The following LONRF3 variants were observed in gnomAD, a reference collection of about 807,000 sequenced individuals.
LONRF3 encodes LON peptidase N-terminal domain and RING finger protein 3.
A neutral mutation model predicts 51.7 loss-of-function variants in LONRF3; 19 were observed. The ratio of observed to expected loss-of-function variants is 0.37; its 90% CI spans 0.26 to 0.54. LONRF3 has a LOEUF of 0.54. LONRF3 is among the 20% of genes least tolerant of loss of function. The pLI is 0.86. For synonymous variants in LONRF3, 265 were observed against 257.8 expected (o/e 1.03, Z -0.27); for missense variants, 521 against 623.9 (o/e 0.84, Z 1.76).
chrX:118,983,475 C>T (rs1569475565), intron 3 of LONRF3, among the ~76,000 whole-genome samples: 1 of 112,518 alleles, frequency 8.9e-6, no homozygotes, highest in Non-Finnish European at 1.9e-5. Context: ...CACTGCCTCA[C>T]AAATGCTAGT....
rs1393997873 is a variant in LONRF3 at position 118,975,058 on chromosome X, T to G, written c.278T>G (p.Leu93Arg). 1 of 1,173,003 alleles carries G rather than the reference T, an allele frequency of 8.5e-7. No homozygotes were observed. The highest frequency in any genetic ancestry group is 1.8e-5 in the African/African-American group (1 of 56,430). Residue 93 changes from leucine to arginine, a missense_variant, in exon 1 of 11, where the codon CTC (leucine) becomes CGC (arginine). Transcript: ENST00000371628. ...GAAGCCCTCGAGGTGTATAGACAGC[T>G]CTCCGAGCGGCAGCAGCTGGTGGCT... ...IREALEVYRQ[L>R]SERQQLVAEQ... is the part of the protein sequence containing the mutation.
intron 3 of LONRF3, 147 bp from the exon 4 acceptor site, chrX:118,989,261 A>G: frequency 1.6e-6 from 1 of 626,701 alleles, no homozygotes; most frequent in Non-Finnish European, 2.5e-6. Context: ...ATGCCTTATG[A>G]CGGCCCCCAA....
At chrX:118,990,340 TA>T in intron 4 of LONRF3, 129 bp from the exon 5 acceptor site, 1 of 519,669 alleles carries the variant, frequency 1.9e-6, no homozygotes, top group Non-Finnish European at 3.4e-6. Context: ...AGGTGTCCAC[TA>T]AATCAACTCT....
intron 5 of LONRF3, among the ~76,000 whole-genome samples, chrX:119,000,659 C>T (rs1165333729): frequency 1.8e-5 from 2 of 111,605 alleles, no homozygotes; most frequent in Non-Finnish European, 3.8e-5. Context: ...GATATTTGAA[C>T]CAGTTATCTA....
At chrX:118,999,566 C>T (rs901259921) in intron 5 of LONRF3, among the ~76,000 whole-genome samples, 1 of 111,952 alleles carries the variant, frequency 8.9e-6, no homozygotes, top group East Asian at 2.8e-4. Context: ...AACATACAGA[C>T]TCATCCTGTT....
In LONRF3 at chrX:118,997,647, G is replaced by A. The variant is rs759716193; in HGVS notation, c.1415+7087G>A. On this transcript the variant is annotated intron_variant, in intron 5 of 10. Coordinates refer to ENST00000371628, the MANE Select transcript of LONRF3 (RefSeq NM_001031855.3). ...CAGCTGGGACCTAACTAAACTAAAGGGCTTTTGCATGGCAAAAGGAACAGT... is the reference window on the plus strand; with the variant it reads ...CAGCTGGGACCTAACTAAACTAAAGAGCTTTTGCATGGCAAAAGGAACAGT... Among the ~76,000 whole-genome samples the A allele has an allele frequency of 5.4e-5, 6 of 111,856 alleles. No individual in the cohort carries two copies. In the Admixed American group the frequency reaches 5.6e-4, roughly 10 times the overall value.
intron 10 of LONRF3, among the ~76,000 whole-genome samples, chrX:119,016,940 G>C (rs1925503428): frequency 8.9e-6 from 1 of 112,363 alleles, no homozygotes; most frequent in Non-Finnish European, 1.9e-5. Flanking sequence ...CTACATAGTA[G>C]ATACCAGCTT....
chrX:118,985,758 C>T (rs1437131287), intron 3 of LONRF3, among the ~76,000 whole-genome samples: 1 of 111,628 alleles, frequency 9.0e-6, no homozygotes, highest in Non-Finnish European at 1.9e-5. Flanking sequence ...GAAGGTAGCA[C>T]TTGAGCTGAG....
intron 9 of LONRF3, among the ~76,000 whole-genome samples, chrX:119,013,523 A>G (rs1925249635): frequency 8.9e-6 from 1 of 112,075 alleles, no homozygotes; most frequent in Non-Finnish European, 1.9e-5. Flanking sequence ...GGGTCTATAC[A>G]TATATATTTT....
chrX:119,006,153 G>T lies in LONRF3; in HGVS notation c.1448G>T (p.Gly483Val). ...LFYEPVTTPC[G>V]HTFCLKCLER... ...TATGAGCCAGTCACAACACCTTGCG[G>T]GCATACTTTTTGCTTAAAATGCCTA... is the stretch of plus-strand genomic sequence containing the variant. The change falls in exon 6 of 11, where the codon GGG (glycine) becomes GTG (valine). Residue 483 changes from glycine to valine, a missense_variant. By Grantham distance (109) the Gly-to-Val change is moderately radical. Transcript: ENST00000371628. 1.7e-6 allele frequency: 2 copies of T among 1,195,951 alleles called. No individual in the cohort carries two copies. The highest frequency in any genetic ancestry group is 2.3e-6 in the Non-Finnish European group (2 of 884,169).
chrX:118,986,089 C>G, intron 3 of LONRF3, among the ~76,000 whole-genome samples: 1 of 105,634 alleles, frequency 9.5e-6, no homozygotes, highest in South Asian at 4.1e-4. Flanking sequence ...CACACACACA[C>G]ACACACACAC....
rs761436957 is a variant in LONRF3 at position 119,018,289 on chromosome X, T to A, written c.*599T>A. 1.8e-5 allele frequency: 2 copies of A among 112,478 alleles called. No homozygotes were observed. The highest frequency in any genetic ancestry group is 7.4e-4 in the South Asian group (2 of 2,706). 9.3% of individuals were successfully genotyped at this position (112,478 alleles called of 1,213,427 possible). On this transcript the variant is annotated 3_prime_UTR_variant, in exon 11 of 11. Coordinates refer to ENST00000371628, the MANE Select transcript of LONRF3 (RefSeq NM_001031855.3). ...GGTTTACCATGTACCTAGGGGGAAA[T>A]AACAATACTAGAAGTGTGCAGTTTT...
chrX:118,985,600 A>T (rs1181995940), intron 3 of LONRF3, among the ~76,000 whole-genome samples: 1 of 112,218 alleles, frequency 8.9e-6, no homozygotes, highest in African/African-American at 3.2e-5. Flanking sequence ...GGTATCTGTT[A>T]TGTGCCCTCT....
chrX:119,017,353 A>G (rs1286069902), intron 10 of LONRF3, among the ~76,000 whole-genome samples, 182 bp from the exon 11 acceptor site: 1 of 112,201 alleles, frequency 8.9e-6, no homozygotes, highest in Non-Finnish European at 1.9e-5. Context: ...TGAGAAATGC[A>G]GTCTTTTTTC....
At chrX:118,985,565 C>T (rs911032264) in intron 3 of LONRF3, among the ~76,000 whole-genome samples, 34 of 112,322 alleles carry the variant, frequency 3.0e-4, no homozygotes, top group African/African-American at 1.1e-3. Context: ...AATTCAATTC[C>T]ATCCAGTGTG....
chrX:118,988,941 A>G lies in LONRF3; in HGVS notation c.1060-467A>G, dbSNP rs769159248. Reference sequence around the variant, plus strand: ...GTGAACAGACCTGTGCCAAAGCCCTACCAAAAGTCCTTTTGGAGCTGGAGT... The same window carrying G: ...GTGAACAGACCTGTGCCAAAGCCCTGCCAAAAGTCCTTTTGGAGCTGGAGT... On this transcript the variant is annotated intron_variant, in intron 3 of 10. Coordinates refer to ENST00000371628, the MANE Select transcript of LONRF3 (RefSeq NM_001031855.3). 9.1e-5 allele frequency among the ~76,000 whole-genome samples: 10 copies of G among 110,437 alleles called. No homozygotes were observed. The East Asian group carries it at 2.9e-3, about 31-fold the overall frequency.
chrX:119,011,957 G>A lies in LONRF3; in HGVS notation c.1795G>A (p.Gly599Arg). The A allele has an allele frequency of 5.0e-6, 6 of 1,211,813 alleles. No individual in the cohort carries two copies. The highest frequency in any genetic ancestry group is 6.7e-6 in the Non-Finnish European group (6 of 895,440). ...CACGAGACAGTTTGGCATGTGCCTT[G>A]GAGATCCTGTCAAAGGGTAAGTGAG... Reference protein sequence around the residue: ...TGTRQFGMCLGDPVKGFAEYG... With the variant: ...TGTRQFGMCLRDPVKGFAEYG... Residue 599 changes from glycine (G) to arginine (R), a missense_variant, in exon 8 of 11, where the codon GGA (glycine) becomes AGA (arginine). By Grantham distance (125) the Gly-to-Arg change is moderately radical. This residue lies in a region of LONRF3 where 145 missense variants were observed against 247.2 expected (regional missense o/e 0.59). Transcript: ENST00000371628.
At chrX:118,981,599 T>A (rs1922561881) in intron 2 of LONRF3, among the ~76,000 whole-genome samples, 1 of 111,334 alleles carries the variant, frequency 9.0e-6, no homozygotes, top group African/African-American at 3.3e-5. Context: ...TGTGATATCA[T>A]GCAAGCCTTT....
intron 7 of LONRF3, among the ~76,000 whole-genome samples, chrX:119,010,648 T>C (rs929044035): frequency 1.8e-5 from 2 of 111,761 alleles, no homozygotes. Flanking sequence ...TGTAAATGAA[T>C]CCTGAACTTG....
Sources: allele counts gnomAD v4.1 joint callset (sites outside exome capture counted in the v4.1 genomes callset), GRCh38; gene constraint gnomAD v4.1.1; regional missense constraint gnomAD v4.1.1; transcripts MANE v1.5; gene names NCBI Gene and HGNC (gene_info 2026-07-23, HGNC 2026-07-21).